Variants in KLF12 observed in about 807,000 individuals in gnomAD.
The protein encoded by KLF12 is KLF transcription factor 12, also known as Krueppel-like factor 12.
In KLF12, 9 loss-of-function variants were observed where a neutral mutation model predicts 37.8. The ratio of observed to expected loss-of-function variants is 0.24; its 90% confidence interval spans 0.14 to 0.42. KLF12 has a LOEUF of 0.42. KLF12 is among the 10% of genes least tolerant of loss of function. The probability of loss-of-function intolerance (pLI) is 1.00; values close to 1 mark genes in which losing one functional copy is unlikely to be tolerated. For missense variants in KLF12, 411 were observed against 516.0 expected (o/e 0.80, Z 1.97); for synonymous variants, 208 against 202.1 (o/e 1.03, Z -0.25).
chr13:74,266,851 A>G, the KLF12 span, among the ~76,000 whole-genome samples: 7 of 152,328 alleles, frequency 4.6e-5, no homozygotes, highest in Admixed American at 3.9e-4. Context: ...AATAACAAAA[A>G]CCAGTGGACC....
intron 2 of KLF12, among the ~76,000 whole-genome samples, chr13:73,948,546 A>G (rs1890528526): frequency 6.6e-6 from 1 of 152,232 alleles, no homozygotes; most frequent in South Asian, 2.1e-4. Context: ...TTGCAATGCA[A>G]GAGTGCCAAC....
At chr13:73,900,477 T>C (rs1887988994) in intron 3 of KLF12, among the ~76,000 whole-genome samples, 1 of 152,204 alleles carries the variant, frequency 6.6e-6, no homozygotes, top group African/African-American at 2.4e-5. Context: ...CAGTACATTA[T>C]AGCATAATTT....
At chr13:73,994,821 T>C (rs1263796219) in intron 2 of KLF12, among the ~76,000 whole-genome samples, 169 bp downstream of exon 2, 2 of 152,180 alleles carry the variant, frequency 1.3e-5, no homozygotes, top group East Asian at 3.8e-4. Context: ...ATATAATTTT[T>C]TAAGGGGCTA....
intron 7 of KLF12, among the ~76,000 whole-genome samples, chr13:73,712,732 C>A (rs182127072): frequency 3.9e-5 from 6 of 152,344 alleles, no homozygotes; most frequent in East Asian, 1.9e-4. Context: ...GCAACTATCA[C>A]CCTGATCAGT....
intron 5 of KLF12, among the ~76,000 whole-genome samples, chr13:73,797,242 AG>A (rs1374925963): frequency 3.9e-5 from 6 of 152,272 alleles, no homozygotes; most frequent in African/African-American, 1.4e-4. Flanking sequence ...GATCAGTTCC[AG>A]TTCTAGATCT....
chr13:74,067,649 C>A (rs1873991748), intron 1 of KLF12, among the ~76,000 whole-genome samples: 1 of 152,128 alleles, frequency 6.6e-6, no homozygotes, highest in Non-Finnish European at 1.5e-5. Context: ...ATTGAGCACT[C>A]ACTCTACTTG....
chr13:74,232,368 A>T, the KLF12 span, among the ~76,000 whole-genome samples: 1 of 151,762 alleles, frequency 6.6e-6, no homozygotes, highest in Admixed American at 6.6e-5. Flanking sequence ...TTTGCGGCTG[A>T]CTCTCTTGTA....
intron 1 of KLF12, among the ~76,000 whole-genome samples, chr13:74,118,344 T>G (rs1477809266): frequency 6.6e-6 from 1 of 152,248 alleles, no homozygotes; most frequent in Non-Finnish European, 1.5e-5. Context: ...GTCTATGATT[T>G]AGTCAACCTT....
At chr13:74,257,934 A>G in the KLF12 span, 4 of 152,108 alleles carry the variant, frequency 2.6e-5, no homozygotes, top group Admixed American at 1.3e-4. Context: ...TCTTCTCTGT[A>G]TTAAATAACA....
chr13:73,716,838 T>C (rs1056102826), intron 6 of KLF12, among the ~76,000 whole-genome samples: 1 of 152,208 alleles, frequency 6.6e-6, no homozygotes, highest in African/African-American at 2.4e-5. Context: ...TACTTATAAC[T>C]TACCAATTTT....
At chr13:74,135,170 TGGC>T (rs1878499587), upstream of KLF12, among the ~76,000 whole-genome samples, 1 of 151,766 alleles carries the variant, frequency 6.6e-6, no homozygotes, top group African/African-American at 2.4e-5. Flanking sequence ...CGCTTCACCT[TGGC>T]GGGATGAATG....
intron 5 of KLF12, among the ~76,000 whole-genome samples, chr13:73,804,625 C>T (rs544472589): frequency 1.3e-5 from 2 of 152,230 alleles, no homozygotes; most frequent in East Asian, 3.9e-4. Flanking sequence ...TAGGTTTTAT[C>T]TACAGTCATT....
intron 2 of KLF12, among the ~76,000 whole-genome samples, chr13:73,990,385 CAA>C: frequency 6.6e-6 from 1 of 151,474 alleles, no homozygotes; most frequent in East Asian, 1.9e-4. Context: ...GCATCCTGGA[CAA>C]AAAAAACAAA....
At chr13:73,917,131 C>T (rs980032933) in intron 3 of KLF12, among the ~76,000 whole-genome samples, 2 of 152,140 alleles carry the variant, frequency 1.3e-5, no homozygotes, top group African/African-American at 4.8e-5. Flanking sequence ...GATTATATAC[C>T]AAGTGTCTGA....
chr13:73,855,287 G>T (rs998083521), intron 3 of KLF12, among the ~76,000 whole-genome samples: 1 of 152,102 alleles, frequency 6.6e-6, no homozygotes, highest in African/African-American at 2.4e-5. Context: ...TGCCATCTTG[G>T]TGTCCATGTG....
chr13:74,230,266 C>T, the KLF12 span, among the ~76,000 whole-genome samples: 169 of 152,236 alleles, frequency 1.1e-3, no homozygotes, highest in African/African-American at 3.7e-3. Context: ...CCTGCTGCCA[C>T]GTGAAGAAGG....
At chr13:74,038,784 A>G (rs911476948) in intron 1 of KLF12, among the ~76,000 whole-genome samples, 3 of 152,168 alleles carry the variant, frequency 2.0e-5, no homozygotes, top group Admixed American at 6.5e-5. Context: ...TTTGACTTCA[A>G]AAGCTCAGTA....
At chr13:73,934,339 T>C (rs1889826498) in intron 3 of KLF12, among the ~76,000 whole-genome samples, 2 of 152,172 alleles carry the variant, frequency 1.3e-5, no homozygotes, top group Admixed American at 1.3e-4. Flanking sequence ...CTACCTATAC[T>C]TCCTTCCATA....
intron 1 of KLF12, among the ~76,000 whole-genome samples, chr13:74,034,958 C>T (rs933850087): frequency 7.9e-5 from 12 of 152,248 alleles, no homozygotes; most frequent in African/African-American, 2.4e-4. Flanking sequence ...TATCCCATAG[C>T]TTACCTCACA....
Sources: gnomAD v4.1 joint callset for allele counts (sites outside exome capture counted in the v4.1 genomes callset) on GRCh38, gnomAD v4.1.1 for gene constraint, MANE v1.5 for transcripts, NCBI Gene and HGNC (gene_info 2026-07-23, HGNC 2026-07-21) for gene names.